The following PPM1D variants were observed in gnomAD, a reference collection of about 807,000 sequenced individuals.
The protein encoded by PPM1D is protein phosphatase, Mg2+/Mn2+ dependent 1D, also known as protein phosphatase 1D.
PPM1D carries 52 observed loss-of-function variants against 58.3 expected under a neutral mutation model. The ratio of observed to expected loss-of-function variants is 0.89; its 90% CI spans 0.71 to 1.12. The LOEUF (loss-of-function observed/expected upper bound fraction) is 1.12. Among genes scored for constraint, PPM1D ranks in the 50% most tolerant of loss-of-function variants. PPM1D has a pLI of 0.00. For missense variants in PPM1D, 564 were observed against 777.2 expected (o/e 0.73, Z 3.26); for synonymous variants, 278 against 285.1 (o/e 0.98, Z 0.25).
intron 4 of PPM1D, among the ~76,000 whole-genome samples, chr17:60,655,658 A>G (rs1417698755): frequency 6.7e-6 from 1 of 150,158 alleles, no homozygotes; most frequent in Admixed American, 6.6e-5. Context: ...CTTTCTTTTT[A>G]AGTAACTTCT....
At chr17:60,602,414 A>G (rs2143612066) in intron 1 of PPM1D, among the ~76,000 whole-genome samples, 1 of 151,526 alleles carries the variant, frequency 6.6e-6, no homozygotes, top group East Asian at 1.9e-4. Flanking sequence ...ACTCCGTTAC[A>G]TTAGTATTAA....
chr17:60,625,979 C>G (rs1376313431), intron 2 of PPM1D, among the ~76,000 whole-genome samples: 2 of 152,096 alleles, frequency 1.3e-5, no homozygotes, highest in African/African-American at 4.8e-5. Flanking sequence ...GCTAAGCAAC[C>G]AGTATGGCTG....
intron 1 of PPM1D, among the ~76,000 whole-genome samples, chr17:60,614,888 A>ACACT (rs572404735): frequency 4.8e-4 from 73 of 152,302 alleles, no homozygotes; most frequent in Admixed American, 2.9e-3. Context: ...AATTCTGGAC[A>ACACT]CACTGCCTTT....
chr17:60,659,688 A>G (rs2031495315), intron 5 of PPM1D, among the ~76,000 whole-genome samples: 1 of 152,250 alleles, frequency 6.6e-6, no homozygotes, highest in Non-Finnish European at 1.5e-5. Flanking sequence ...ACTTTTTTAA[A>G]GTATGTATTT....
intron 1 of PPM1D, among the ~76,000 whole-genome samples, chr17:60,608,764 T>C (rs2030386024): frequency 6.6e-6 from 1 of 151,882 alleles, no homozygotes; most frequent in Non-Finnish European, 1.5e-5. Context: ...TTTTTTTTTT[T>C]TGACACAGAG....
At chr17:60,626,651 C>T (rs1255708716) in intron 2 of PPM1D, among the ~76,000 whole-genome samples, 1 of 152,070 alleles carries the variant, frequency 6.6e-6, no homozygotes, top group Non-Finnish European at 1.5e-5. Flanking sequence ...ACCTCAGCCT[C>T]CCAAAGTGCT....
At chr17:60,617,247 T>C (rs2143643093) in intron 1 of PPM1D, among the ~76,000 whole-genome samples, 1 of 151,980 alleles carries the variant, frequency 6.6e-6, no homozygotes, top group Non-Finnish European at 1.5e-5. Context: ...CATGAGCCAC[T>C]GTACCCTGCC....
chr17:60,609,136 C>T (rs749587793), intron 1 of PPM1D, among the ~76,000 whole-genome samples: 8 of 151,930 alleles, frequency 5.3e-5, no homozygotes, highest in East Asian at 3.9e-4. Context: ...CTTAATCTCC[C>T]GGGCTGGAGT....
At position 60,627,095 on chromosome 17, in the gene PPM1D, A is replaced by G. The variant is rs869312627; in HGVS notation, c.701+3346A>G. On this transcript the variant is annotated intron_variant, in intron 2 of 5. Coordinates refer to ENST00000305921, the MANE Select transcript of PPM1D (RefSeq NM_003620.4). Reference sequence around the variant, plus strand: ...TTTGTCTTTTGATTATGCTCCTGGAACTTTTTCCACGTGGAAGTTTCTTTT... The same window carrying G: ...TTTGTCTTTTGATTATGCTCCTGGAGCTTTTTCCACGTGGAAGTTTCTTTT... Among the ~76,000 whole-genome samples the G allele has an allele frequency of 6.6e-6, 1 of 152,140 alleles. No homozygotes were observed. Among genetic ancestry groups the G allele is most frequent in the Non-Finnish European group, 1.5e-5 (1 of 68,016 alleles).
chr17:60,646,615 G>A (rs1444584998), intron 3 of PPM1D, among the ~76,000 whole-genome samples: 2 of 152,140 alleles, frequency 1.3e-5, no homozygotes, highest in Non-Finnish European at 2.9e-5. Flanking sequence ...TTTCATTTAT[G>A]TTGTCTTATA....
chr17:60,624,680 G>A (rs559368893), intron 2 of PPM1D, among the ~76,000 whole-genome samples: 3 of 152,262 alleles, frequency 2.0e-5, no homozygotes, highest in Admixed American at 1.3e-4. Flanking sequence ...CAGCTACTCC[G>A]GAGGCTGAGG....
chr17:60,657,040 A>C lies in PPM1D; in HGVS notation c.1260+199A>C, dbSNP rs560764833. ...CAGCCATGTGTACAGCACTAATAAA[A>C]AGGTGATTGTGGGCCCTTAAGAATA... On this transcript the variant is annotated intron_variant, in intron 5 of 5. Transcript: ENST00000305921. The C allele has an allele frequency of 5.1e-5, 75 of 1,481,696 alleles. No individual in the cohort carries two copies. The African/African-American group carries it at 9.7e-4, about 19-fold the overall frequency. 91.8% of individuals were successfully genotyped at this position (1,481,696 alleles called of 1,614,324 possible).
chr17:60,650,575 C>A (rs181141018), intron 4 of PPM1D, among the ~76,000 whole-genome samples: 70 of 150,972 alleles, frequency 4.6e-4, no homozygotes, highest in African/African-American at 6.2e-4. Context: ...ACAACAACAA[C>A]AAAAAACACA....
rs1414077101 is a variant in PPM1D at position 60,600,612 on chromosome 17, A to G, written c.198A>G (p.Lys66=). Residue 66 remains lysine (K), a synonymous_variant, in exon 1 of 6, where the codon AAA becomes AAG. Coordinates refer to ENST00000305921, the MANE Select transcript of PPM1D (RefSeq NM_003620.4). ...TTCCCGGCGGCGAAGTCTCGGGGAA[A>G]GGCCCAGCGGTGGCAGCCCGAGAGG... The part of the protein sequence containing the change: ...AALPGGEVSG[K]GPAVAAREAR... 6.4e-7 allele frequency: 1 copy of G among 1,561,364 alleles called. No individual in the cohort carries two copies. The highest frequency in any genetic ancestry group is 1.9e-5 in the Admixed American group (1 of 52,108).
At chr17:60,651,709 G>A (rs560759209) in intron 4 of PPM1D, among the ~76,000 whole-genome samples, 2 of 151,924 alleles carry the variant, frequency 1.3e-5, no homozygotes, top group Non-Finnish European at 2.9e-5. Flanking sequence ...ACGCCCAGCC[G>A]ACAGTGTTTT....
At chr17:60,611,079 G>A (rs942789762) in intron 1 of PPM1D, among the ~76,000 whole-genome samples, 4 of 152,318 alleles carry the variant, frequency 2.6e-5, no homozygotes, top group African/African-American at 7.2e-5. Context: ...GGAGTGCAGT[G>A]CCTCGATCTC....
At chr17:60,616,613 A>G (rs1012554038) in intron 1 of PPM1D, among the ~76,000 whole-genome samples, 12 of 152,188 alleles carry the variant, frequency 7.9e-5, no homozygotes, top group African/African-American at 2.9e-4. Flanking sequence ...GTCTCAAAAA[A>G]AGAAAAAGAA....
Position 60,663,312 on chromosome 17 carries a change from T to TGAAAGAAC in PPM1D, c.1579_1586dup (p.Pro530LysfsTer12). 6.2e-7 allele frequency: 1 copy of TGAAAGAAC among 1,614,138 alleles called. No individual in the cohort carries two copies. The highest frequency in any genetic ancestry group is 8.5e-7 in the Non-Finnish European group (1 of 1,180,022). On this transcript the variant is annotated frameshift_variant, in exon 6 of 6. Transcript: ENST00000305921. LOFTEE classifies it high-confidence loss of function. ...CTGGCCAAATGAAAGCCCAAGAAAT[T>TGAAAGAAC]GAAAGAACCCCTCCAACAAACTTTA...
At chr17:60,617,941 C>T (rs543471870) in intron 1 of PPM1D, among the ~76,000 whole-genome samples, 23 of 152,304 alleles carry the variant, frequency 1.5e-4, no homozygotes, top group African/African-American at 5.1e-4. Context: ...AACTACCTTC[C>T]TGACTTTCAT....
Sources: allele counts gnomAD v4.1 joint callset (sites outside exome capture counted in the v4.1 genomes callset), GRCh38; gene constraint gnomAD v4.1.1; transcripts MANE v1.5; gene names NCBI Gene and HGNC (gene_info 2026-07-23, HGNC 2026-07-21).